The following PTAFR variants were observed in gnomAD, a reference collection of about 807,000 sequenced individuals.
The protein encoded by PTAFR is platelet-activating factor receptor.
In PTAFR, 8 loss-of-function variants were observed where a neutral mutation model predicts 14.7. The observed-to-expected ratio is 0.54, with a 90% CI of 0.32 to 0.98. PTAFR has a LOEUF of 0.98. PTAFR is among the 50% of genes least tolerant of loss of function. The pLI is 0.04. For synonymous variants in PTAFR, 156 were observed against 176.5 expected, an observed-to-expected ratio of 0.88 and a Z score of 0.92; for missense variants, 337 against 451.2, an observed-to-expected ratio of 0.75 and a Z score of 2.29.
upstream of PTAFR, among the ~76,000 whole-genome samples, chr1:28,178,897 C>T (rs758516771): frequency 9.2e-5 from 14 of 152,072 alleles, no homozygotes; most frequent in Non-Finnish European, 1.8e-4. Context: ...GAAACAGGCT[C>T]AGGCCAAGCA....
chr1:28,153,483 C>T (rs1646220281), intron 1 of PTAFR, among the ~76,000 whole-genome samples: 1 of 148,988 alleles, frequency 6.7e-6, no homozygotes, highest in South Asian at 2.2e-4. Context: ...TGGTGGCTCA[C>T]GCCTGTAATC....
chr1:28,180,543 T>C (rs1350876281), upstream of PTAFR, among the ~76,000 whole-genome samples: 1 of 152,104 alleles, frequency 6.6e-6, no homozygotes, highest in Non-Finnish European at 1.5e-5. Flanking sequence ...ATTAATGTGG[T>C]CCATACAGGG....
chr1:28,157,096 TAAG>T, intron 1 of PTAFR, among the ~76,000 whole-genome samples: 1 of 152,304 alleles, frequency 6.6e-6, no homozygotes, highest in South Asian at 2.1e-4. Context: ...TTGCAAAATT[TAAG>T]AAGACACTAA....
chr1:28,167,558 C>A (rs1646399187), intron 1 of PTAFR, among the ~76,000 whole-genome samples: 1 of 146,678 alleles, frequency 6.8e-6, no homozygotes, highest in Non-Finnish European at 1.5e-5. Context: ...CCTCAAAAAA[C>A]TAAAATTAGA....
chr1:28,188,193 C>G (rs935428859), intron 1 of PTAFR, among the ~76,000 whole-genome samples: 9 of 152,176 alleles, frequency 5.9e-5, no homozygotes, highest in African/African-American at 2.2e-4. Flanking sequence ...CACCTGTAAC[C>G]CCAGCACTTT....
intron 1 of PTAFR, among the ~76,000 whole-genome samples, chr1:28,175,028 G>A (rs1371227288): frequency 1.3e-5 from 2 of 152,156 alleles, no homozygotes; most frequent in Non-Finnish European, 2.9e-5. Flanking sequence ...CCAGGTTCAA[G>A]CAATTCTCCT....
At chr1:28,186,980 G>A (rs1646612484) in intron 1 of PTAFR, among the ~76,000 whole-genome samples, 3 of 152,072 alleles carry the variant, frequency 2.0e-5, no homozygotes, top group Admixed American at 2.0e-4. Context: ...TATACCAACG[G>A]GGGTCTCACT....
Position 28,192,968 on chromosome 1 carries a change from T to C in PTAFR, c.-39+754A>G, listed in dbSNP as rs150039493. ...ACTGAGACAGCTGGGAGTGCTAGCT[T>C]CTCCTGTCATGCTCTTTAGTGCGGC... On this transcript the variant is annotated intron_variant, in intron 1 of 1. Transcript: ENST00000305392. Among the ~76,000 whole-genome samples, 404 of 152,238 alleles carry C rather than the reference T, an allele frequency of 2.7e-3. 2 individuals carry two copies. The highest frequency in any genetic ancestry group is 6.2e-3 in the Admixed American group (94 of 15,284).
chr1:28,181,701 C>T (rs965320947), intron 1 of PTAFR, among the ~76,000 whole-genome samples: 1 of 151,932 alleles, frequency 6.6e-6, no homozygotes, highest in Non-Finnish European at 1.5e-5. Flanking sequence ...GAGATTGCAC[C>T]ATTGCACTCC....
At chr1:28,187,759 G>A (rs148236516) in intron 1 of PTAFR, among the ~76,000 whole-genome samples, 6 of 152,260 alleles carry the variant, frequency 3.9e-5, no homozygotes, top group Non-Finnish European at 5.9e-5. Flanking sequence ...CTGGGATTAC[G>A]GGCGTGAGGC....
At chr1:28,155,292 C>T (rs1347334227) in intron 1 of PTAFR, among the ~76,000 whole-genome samples, 2 of 152,146 alleles carry the variant, frequency 1.3e-5, no homozygotes, top group Non-Finnish European at 2.9e-5. Context: ...CTCACTGCAA[C>T]CTCCGCCTCC....
chr1:28,183,542 C>T (rs1350846196), intron 1 of PTAFR, among the ~76,000 whole-genome samples: 2 of 152,198 alleles, frequency 1.3e-5, no homozygotes, highest in Non-Finnish European at 2.9e-5. Context: ...GTGGGAGGAT[C>T]ACTCGAGCCC....
intron 1 of PTAFR, among the ~76,000 whole-genome samples, chr1:28,172,528 C>T (rs960621485): frequency 1.2e-4 from 19 of 152,212 alleles, no homozygotes; most frequent in Admixed American, 1.2e-3. Context: ...TTTTCTTCAT[C>T]TGCAAAATGA....
chr1:28,187,334 C>A (rs1646615145), intron 1 of PTAFR, among the ~76,000 whole-genome samples: 1 of 151,528 alleles, frequency 6.6e-6, no homozygotes, highest in South Asian at 2.1e-4. Context: ...CTACTAATAG[C>A]CACTAATAGT....
At chr1:28,168,325 C>G (rs1646414907) in intron 1 of PTAFR, among the ~76,000 whole-genome samples, 1 of 152,006 alleles carries the variant, frequency 6.6e-6, no homozygotes, top group African/African-American at 2.4e-5. Context: ...CAACATTATT[C>G]ACAATCATCA....
chr1:28,163,668 T>C (rs181421827), intron 1 of PTAFR, among the ~76,000 whole-genome samples: 1 of 152,328 alleles, frequency 6.6e-6, no homozygotes, highest in Admixed American at 6.5e-5. Flanking sequence ...GTATGCAAAG[T>C]GGCTGGAACA....
At chr1:28,191,631 C>T (rs958518136) in intron 1 of PTAFR, among the ~76,000 whole-genome samples, 2 of 151,394 alleles carry the variant, frequency 1.3e-5, no homozygotes, top group Non-Finnish European at 2.9e-5. Context: ...CCTAGAGTAA[C>T]TCAGGCTTCC....
chr1:28,189,023 A>T (rs1646629248), intron 1 of PTAFR, among the ~76,000 whole-genome samples: 1 of 152,284 alleles, frequency 6.6e-6, no homozygotes. Context: ...CAAGTACTGG[A>T]GAGGATACAG....
chr1:28,162,886 C>T (rs903452938), intron 1 of PTAFR, among the ~76,000 whole-genome samples: 1 of 150,116 alleles, frequency 6.7e-6, no homozygotes, highest in Non-Finnish European at 1.5e-5. Flanking sequence ...CCAGGCGATT[C>T]GTGCACGCAC....
Sources: gnomAD v4.1 joint callset for allele counts (sites outside exome capture counted in the v4.1 genomes callset) on GRCh38, gnomAD v4.1.1 for gene constraint, MANE v1.5 for transcripts, NCBI Gene and HGNC (gene_info 2026-07-23, HGNC 2026-07-21) for gene names.